Variants in ZNF611 observed in about 807,000 individuals in gnomAD.
The protein encoded by ZNF611 is zinc finger protein 611.
ZNF611 carries 6 observed loss-of-function variants against 8.9 expected under a neutral mutation model. That is an observed-to-expected ratio of 0.68 (90% CI 0.37 to 1.34). ZNF611 has a LOEUF of 1.34. Among genes scored for constraint, ZNF611 ranks in the 40% most tolerant of loss-of-function variants. The pLI is 0.02. For missense variants in ZNF611, 874 were observed against 841.3 expected (o/e 1.04, Z -0.48); for synonymous variants, 262 against 279.7 (o/e 0.94, Z 0.63).
chr19:52,717,487 G>A (rs1245541623), intron 3 of ZNF611, among the ~76,000 whole-genome samples: 1 of 152,176 alleles, frequency 6.6e-6, no homozygotes, highest in Non-Finnish European at 1.5e-5. Flanking sequence ...TGTGTGGCTG[G>A]AACAGTGGAA....
intron 3 of ZNF611, among the ~76,000 whole-genome samples, chr19:52,726,257 G>A (rs940668308): frequency 2.0e-5 from 3 of 152,112 alleles, no homozygotes; most frequent in Non-Finnish European, 2.9e-5. Context: ...GCAGGGATGC[G>A]GGCGTGAGGC....
In ZNF611 at chr19:52,704,671, T is replaced by G. The variant is rs1393153349; in HGVS notation, c.*266A>C. The stretch of plus-strand genomic sequence containing the variant: ...CGTTGTAGCATTACTGAAGACTTTG[T>G]GACAATCATTACATTAGTCAAGTTT... On this transcript the variant is annotated 3_prime_UTR_variant, in exon 6 of 6. Transcript: ENST00000652185. 9.4e-6 allele frequency: 15 copies of G among 1,594,440 alleles called. No homozygotes were observed. Among genetic ancestry groups the G allele is most frequent in the African/African-American group, 2.7e-5 (2 of 74,496 alleles).
chr19:52,711,934 C>T (rs1172456053), intron 5 of ZNF611, among the ~76,000 whole-genome samples: 1 of 152,038 alleles, frequency 6.6e-6, no homozygotes, highest in Non-Finnish European at 1.5e-5. Flanking sequence ...GAACTTTGTG[C>T]ATGCACCTCT....
In ZNF611 at chr19:52,704,980, T is replaced by G; in HGVS notation, c.2075A>C (p.His692Pro). ...ATGAATTCTATGATGACGTGAAAGG[T>G]GTGATTGTTGATTAAAAGCCTTCCC... The part of the protein sequence containing the change: ...ECGKAFNQQS[H>P]LSRHHRIHTG... Residue 692 changes from histidine (H) to proline (P), a missense_variant, in exon 6 of 6, where the codon CAC becomes CCC. Physicochemically the swap from His to Pro is moderately conservative, Grantham distance 77. Coordinates refer to ENST00000652185, the MANE Select transcript of ZNF611 (RefSeq NM_001161499.2). 5 of 1,614,010 alleles carry G rather than the reference T, an allele frequency of 3.1e-6. No individual in the cohort carries two copies. Among genetic ancestry groups the G allele is most frequent in the Non-Finnish European group, 4.2e-6 (5 of 1,179,990 alleles).
chr19:52,726,313 T>C (rs2062392882), intron 3 of ZNF611, among the ~76,000 whole-genome samples: 1 of 152,110 alleles, frequency 6.6e-6, no homozygotes. Context: ...GGCGGGAGAA[T>C]CGCTGAACCT....
rs55821820 is a variant in ZNF611 at position 52,706,128 on chromosome 19, A to G, written c.927T>C (p.His309=). 26,606 of 1,614,052 alleles carry G rather than the reference A, an allele frequency of 0.016. 395 individuals carry two copies. Among genetic ancestry groups the G allele is most frequent in the African/African-American group, 0.077 (5,786 of 74,998 alleles). ...ESSLTCHRRL[H]TGVKRYNCNE... The stretch of plus-strand genomic sequence containing the variant: ...TACAATTGTAACGTTTTACTCCAGT[A>G]TGAAGTCTACGATGGCAGGTAAGGG... The change falls in exon 6 of 6, where the codon CAT becomes CAC. Residue 309 remains histidine (H), a synonymous_variant. Coordinates refer to ENST00000652185, the MANE Select transcript of ZNF611 (RefSeq NM_001161499.2).
At position 52,705,926 on chromosome 19, in the gene ZNF611, T is replaced by C; in HGVS notation, c.1129A>G (p.Lys377Glu). Reference protein sequence around the residue: ...EKPYKCEECDKVFSRKSTIET... With the variant: ...EKPYKCEECDEVFSRKSTIET... ...ATGGTTGATTTCCGACTGAAAACTT[T>C]GTCACATTCTTCACATTTGTAAGGT... The change falls in exon 6 of 6, where the codon AAA (lysine) becomes GAA (glutamate). Residue 377 changes from lysine (K) to glutamate (E), a missense_variant. Physicochemically the swap from Lys to Glu is moderately conservative, Grantham distance 56. Transcript: ENST00000652185. 6.2e-7 allele frequency: 1 copy of C among 1,614,204 alleles called. No homozygotes were observed. Among genetic ancestry groups the C allele is most frequent in the Non-Finnish European group, 8.5e-7 (1 of 1,180,022 alleles).
intron 5 of ZNF611, among the ~76,000 whole-genome samples, chr19:52,710,273 C>T (rs1344913487): frequency 6.6e-6 from 1 of 150,420 alleles, no homozygotes; most frequent in Non-Finnish European, 1.5e-5. Context: ...CTCTGTCACC[C>T]GGGATGGAGT....
intron 3 of ZNF611, among the ~76,000 whole-genome samples, chr19:52,717,205 T>A (rs1272736036): frequency 6.6e-6 from 1 of 152,182 alleles, no homozygotes; most frequent in East Asian, 1.9e-4. Context: ...CTCCATAAAA[T>A]GTATAAAATT....
chr19:52,704,115 G>A lies in ZNF611; in HGVS notation c.*822C>T, dbSNP rs574617155. On this transcript the variant is annotated 3_prime_UTR_variant, in exon 6 of 6. Coordinates refer to ENST00000652185, the MANE Select transcript of ZNF611 (RefSeq NM_001161499.2). The stretch of plus-strand genomic sequence containing the variant: ...TCCCGACGTGCTGGGATTACAGGTC[G>A]GAGCCACCACACCTGGCCCCATCCT... The A allele has an allele frequency of 3.0e-5, 9 of 298,344 alleles. No individual in the cohort carries two copies. The highest frequency in any genetic ancestry group is 4.7e-5 in the Non-Finnish European group (7 of 150,528). The allele number at this position is 298,344 out of a possible 1,614,324, so 18.5% of individuals were successfully genotyped here.
intron 3 of ZNF611, among the ~76,000 whole-genome samples, chr19:52,718,854 T>C (rs2062335553): frequency 6.6e-6 from 1 of 151,580 alleles, no homozygotes; most frequent in Admixed American, 6.6e-5. Flanking sequence ...AATAAGTAAA[T>C]TAAAAGTAAA....
rs1008996980 is a variant in ZNF611 at position 52,703,958 on chromosome 19, C to T, written c.*979G>A. The T allele has an allele frequency of 4.6e-5, 8 of 174,636 alleles. No homozygotes were observed. Among genetic ancestry groups the T allele is most frequent in the Non-Finnish European group, 8.6e-5 (7 of 81,546 alleles). The allele number at this position is 174,636 out of a possible 1,614,324, so 10.8% of individuals were successfully genotyped here. Reference sequence around the variant, plus strand: ...AAGTACTAACTGAAAAAAGTACTATCTCTTTAAAAAGTACTGGCTCAAAAA... The same window carrying T: ...AAGTACTAACTGAAAAAAGTACTATTTCTTTAAAAAGTACTGGCTCAAAAA... On this transcript the variant is annotated 3_prime_UTR_variant, in exon 6 of 6. Transcript: ENST00000652185.
intron 3 of ZNF611, among the ~76,000 whole-genome samples, chr19:52,719,645 T>A (rs1046321942): frequency 9.2e-5 from 14 of 152,226 alleles, no homozygotes; most frequent in Non-Finnish European, 1.8e-4. Flanking sequence ...TTCATTACTG[T>A]TCCATCATTC....
chr19:52,733,774 C>A (rs1006950131), intron 1 of ZNF611, among the ~76,000 whole-genome samples: 2 of 151,958 alleles, frequency 1.3e-5, no homozygotes, highest in Non-Finnish European at 2.9e-5. Context: ...TTTATTCCTT[C>A]TCTTCCACCT....
intron 3 of ZNF611, 90 bp from the exon 4 acceptor site, chr19:52,716,003 G>A: frequency 2.1e-6 from 3 of 1,447,798 alleles, no homozygotes; most frequent in Non-Finnish European, 2.8e-6. Flanking sequence ...ACGTCACCCT[G>A]TAGAAAGAAG....
chr19:52,730,511 G>A (rs2147449871), intron 1 of ZNF611, among the ~76,000 whole-genome samples: 1 of 152,092 alleles, frequency 6.6e-6, no homozygotes, highest in East Asian at 1.9e-4. Context: ...CTGCAGATGG[G>A]GCCTGTGAGA....
intron 5 of ZNF611, among the ~76,000 whole-genome samples, chr19:52,709,307 G>A (rs1349947676): frequency 6.6e-6 from 1 of 151,494 alleles, no homozygotes; most frequent in Non-Finnish European, 1.5e-5. Flanking sequence ...GAGTATCACT[G>A]TGTAGCCCAG....
chr19:52,730,883 C>CA (rs1480799293), intron 1 of ZNF611, among the ~76,000 whole-genome samples: 2 of 152,062 alleles, frequency 1.3e-5, no homozygotes, highest in African/African-American at 4.8e-5. Context: ...CGCACACAGC[C>CA]AAGACTACTG....
At position 52,704,641 on chromosome 19, in the gene ZNF611, G is replaced by A; in HGVS notation, c.*296C>T. On this transcript the variant is annotated 3_prime_UTR_variant, in exon 6 of 6. Coordinates refer to ENST00000652185, the MANE Select transcript of ZNF611 (RefSeq NM_001161499.2). ...TTCATTATGGATTCTCCAATGATTT[G>A]TAATCGTTGTAGCATTACTGAAGAC... 2.5e-6 allele frequency: 4 copies of A among 1,586,982 alleles called. No homozygotes were observed. In the South Asian group the frequency reaches 4.4e-5, roughly 18 times the overall value.
Sources: allele counts gnomAD v4.1 joint callset (sites outside exome capture counted in the v4.1 genomes callset), GRCh38; gene constraint gnomAD v4.1.1; transcripts MANE v1.5; gene names NCBI Gene and HGNC (gene_info 2026-07-23, HGNC 2026-07-21).